The following DYNC2H1 variants were observed in gnomAD, a reference collection of about 807,000 sequenced individuals.
DYNC2H1 encodes dynein cytoplasmic 2 heavy chain 1.
A neutral mutation model predicts 570.0 loss-of-function variants in DYNC2H1; 410 were observed. The ratio of observed to expected loss-of-function variants is 0.72; its 90% confidence interval spans 0.66 to 0.78. DYNC2H1 has a LOEUF of 0.78. Ranked by LOEUF, DYNC2H1 falls within the 30% of genes least tolerant of loss-of-function variation. The probability of loss-of-function intolerance (pLI) is 0.00; values close to 1 mark genes in which losing one functional copy is unlikely to be tolerated. For missense variants in DYNC2H1, 4,865 were observed against 5,046.4 expected (o/e 0.96, Z 1.09); for synonymous variants, 1,688 against 1,677.6 (o/e 1.01, Z -0.15).
In DYNC2H1 at chr11:103,176,367, A is replaced by G. The variant is rs1014815389; in HGVS notation, c.5807A>G (p.Tyr1936Cys). 15 of 1,595,076 alleles carry G rather than the reference A, an allele frequency of 9.4e-6. No homozygotes were observed. Among genetic ancestry groups the G allele is most frequent in the African/African-American group, 1.3e-5 (1 of 74,330 alleles). The part of the protein sequence containing the change: ...FPGIELKEVE[Y>C]DELSAALKQV... ...GGAATTGAATTGAAAGAAGTGGAAT[A>G]TGATGAACTAAGTGCTGCATTAAAG... is the stretch of plus-strand genomic sequence containing the variant. The change falls in exon 37 of 89, where the codon TAT becomes TGT. Residue 1936 changes from tyrosine (Y) to cysteine (C), a missense_variant. By Grantham distance (194) the Tyr-to-Cys change is radical. This residue lies in a region of DYNC2H1 where 292 missense variants were observed against 300.2 expected (regional missense o/e 0.97). Transcript: ENST00000375735.
intron 29 of DYNC2H1, among the ~76,000 whole-genome samples, chr11:103,161,402 A>G (rs1329874420): frequency 6.6e-6 from 1 of 152,128 alleles, no homozygotes; most frequent in Non-Finnish European, 1.5e-5. Flanking sequence ...TGTCTTATCC[A>G]AAGTATTTGG....
At chr11:103,301,274 T>C (rs11225670) in intron 75 of DYNC2H1, among the ~76,000 whole-genome samples, 26,182 of 151,896 alleles carry the variant, frequency 0.17, 2,451 homozygotes, top group Admixed American at 0.26. Flanking sequence ...TATCAACAGC[T>C]ACAATGAAAA....
rs979288258 is a variant in DYNC2H1 at position 103,129,722 on chromosome 11, A to C, written c.1953+717A>C. 6.6e-6 allele frequency among the ~76,000 whole-genome samples: 1 copy of C among 152,028 alleles called. No homozygotes were observed. The highest frequency in any genetic ancestry group is 2.4e-5 in the African/African-American group (1 of 41,412). ...AAAGAAAGAAAAAGAAATTAGGAAAACCCATAATAGCGTTTAAACTGAATG... is the reference window on the plus strand; with the variant it reads ...AAAGAAAGAAAAAGAAATTAGGAAACCCCATAATAGCGTTTAAACTGAATG... On this transcript the variant is annotated intron_variant, in intron 13 of 88. Transcript: ENST00000375735. The surrounding 1 kb of genome is among the most constrained non-coding windows in gnomAD (Gnocchi z 4.1).
chr11:103,306,950 T>C (rs1288775278), intron 77 of DYNC2H1, among the ~76,000 whole-genome samples: 6 of 152,186 alleles, frequency 3.9e-5, no homozygotes, highest in African/African-American at 1.2e-4. Context: ...TGAAGAATAC[T>C]GTGGGAAAAA....
intron 84 of DYNC2H1, among the ~76,000 whole-genome samples, chr11:103,431,913 C>T (rs911662409): frequency 1.3e-5 from 2 of 151,990 alleles, no homozygotes. Context: ...AGAATTGGGC[C>T]CTTTCTGTTG....
At position 103,205,797 on chromosome 11, in the gene DYNC2H1, T is replaced by G. The variant is rs987320451; in HGVS notation, c.8454+833T>G. On this transcript the variant is annotated intron_variant, in intron 52 of 88. Coordinates refer to ENST00000375735, the MANE Select transcript of DYNC2H1 (RefSeq NM_001377.3). This position sits in a 1 kb window ranked among gnomAD's most constrained non-coding sequence, Gnocchi z 4.5. ...GGGTAGAGAGCATGTCTGATGATTTTGAGGATCAGTAAGAGGCAACTTCAC... is the reference window on the plus strand; with the variant it reads ...GGGTAGAGAGCATGTCTGATGATTTGGAGGATCAGTAAGAGGCAACTTCAC... 2.0e-5 allele frequency among the ~76,000 whole-genome samples: 3 copies of G among 152,090 alleles called. No individual in the cohort carries two copies. Among genetic ancestry groups the G allele is most frequent in the Non-Finnish European group, 4.4e-5 (3 of 68,012 alleles).
rs1203295524 is a variant in DYNC2H1 at position 103,479,786 on chromosome 11, G to T, written c.*533G>T. ...ATATACTTATAACTAATATCTTAAGGTAATTCAAATAGGAATAATTCAGGT... is the reference window on the plus strand; with the variant it reads ...ATATACTTATAACTAATATCTTAAGTTAATTCAAATAGGAATAATTCAGGT... On this transcript the variant is annotated 3_prime_UTR_variant, in exon 89 of 89. Transcript: ENST00000375735. 1 of 151,862 alleles carries T rather than the reference G, an allele frequency of 6.6e-6. No homozygotes were observed. Among genetic ancestry groups the T allele is most frequent in the African/African-American group, 2.4e-5 (1 of 41,340 alleles). The allele number at this position is 151,862 out of a possible 1,614,324, so 9.4% of individuals were successfully genotyped here.
chr11:103,259,732 A>G (rs1865195107), intron 69 of DYNC2H1, among the ~76,000 whole-genome samples, 156 bp from the exon 70 acceptor site: 1 of 152,182 alleles, frequency 6.6e-6, no homozygotes, highest in Admixed American at 6.5e-5. Context: ...TTAATATTAT[A>G]TTAGTATACA....
At position 103,305,520 on chromosome 11, in the gene DYNC2H1, T is replaced by G. The variant is rs1012849533; in HGVS notation, c.11382+800T>G. On this transcript the variant is annotated intron_variant, in intron 77 of 88. Transcript: ENST00000375735. This position sits in a 1 kb window ranked among gnomAD's most constrained non-coding sequence, Gnocchi z 4.3. ...GCAGAACATTTTGGAATTTTTGTCCTGGGACTTAGAGGGCCAAAGGAGGTC... is the reference window on the plus strand; with the variant it reads ...GCAGAACATTTTGGAATTTTTGTCCGGGGACTTAGAGGGCCAAAGGAGGTC... Among the ~76,000 whole-genome samples the G allele has an allele frequency of 3.3e-5, 5 of 152,166 alleles. No homozygotes were observed. Among genetic ancestry groups the G allele is most frequent in the African/African-American group, 1.2e-4 (5 of 41,432 alleles).
At chr11:103,455,592 A>T (rs1944761056) in intron 86 of DYNC2H1, among the ~76,000 whole-genome samples, 1 of 152,190 alleles carries the variant, frequency 6.6e-6, no homozygotes, top group African/African-American at 2.4e-5. Context: ...ACATGGACCT[A>T]TGTAAATGAA....
Position 103,363,157 on chromosome 11 carries a change from T to C in DYNC2H1, c.12156+4798T>C, listed in dbSNP as rs895612061. Among the ~76,000 whole-genome samples the C allele has an allele frequency of 2.0e-5, 3 of 152,170 alleles. No homozygotes were observed. The highest frequency in any genetic ancestry group is 2.9e-5 in the Non-Finnish European group (2 of 68,032). On this transcript the variant is annotated intron_variant, in intron 83 of 88. Transcript: ENST00000375735. The surrounding 1 kb of genome is among the most constrained non-coding windows in gnomAD (Gnocchi z 5.6). ...TTTGCACGAGATGCCTTAGTAATACTACAGTTCCAAGAAACTTTTCCAACC... is the reference window on the plus strand; with the variant it reads ...TTTGCACGAGATGCCTTAGTAATACCACAGTTCCAAGAAACTTTTCCAACC...
rs114305658 is a variant in DYNC2H1 at position 103,113,729 on chromosome 11, T to G, written c.366+22T>G. 6.8e-4 allele frequency: 1,009 copies of G among 1,485,206 alleles called. 7 individuals carry two copies. In the African/African-American group the frequency reaches 0.013, roughly 19 times the overall value. The allele number at this position is 1,485,206 out of a possible 1,614,324, so 92.0% of individuals were successfully genotyped here. A position where few individuals can be genotyped will look rare whatever the true frequency, so the allele number is the denominator to read the frequency against. On this transcript the variant is annotated intron_variant, in intron 2 of 88. Coordinates refer to ENST00000375735, the MANE Select transcript of DYNC2H1 (RefSeq NM_001377.3). The stretch of plus-strand genomic sequence containing the variant: ...AAAGGTGAGAAAAGAAGCTGTCATT[T>G]TTTTTAACTGAGGTATTTGGATAAA...
chr11:103,377,245 C>T (rs576708953), intron 83 of DYNC2H1, among the ~76,000 whole-genome samples: 22 of 152,238 alleles, frequency 1.4e-4, no homozygotes, highest in Admixed American at 3.9e-4. Flanking sequence ...TCATGTAGTG[C>T]AAATATTTTT....
chr11:103,215,316 A>G (rs1383050315), intron 54 of DYNC2H1, among the ~76,000 whole-genome samples: 1 of 152,122 alleles, frequency 6.6e-6, no homozygotes, highest in Non-Finnish European at 1.5e-5. Flanking sequence ...ATGTTGAGGT[A>G]TGTTCCTCCA....
At chr11:103,436,420 T>C (rs749168486) in intron 85 of DYNC2H1, among the ~76,000 whole-genome samples, 7 of 151,934 alleles carry the variant, frequency 4.6e-5, no homozygotes, top group Non-Finnish European at 7.4e-5. Context: ...AATAAACCAG[T>C]CAGGTAACTT....
intron 88 of DYNC2H1, among the ~76,000 whole-genome samples, chr11:103,469,789 A>C (rs1945314919): frequency 6.6e-6 from 1 of 152,192 alleles, no homozygotes; most frequent in South Asian, 2.1e-4. Context: ...AATTCCTATA[A>C]GAATTTTCTA....
chr11:103,207,406 C>T (rs746815696), intron 52 of DYNC2H1, among the ~76,000 whole-genome samples: 7 of 151,750 alleles, frequency 4.6e-5, no homozygotes, highest in South Asian at 2.1e-4. Context: ...AATTAAGGAT[C>T]GGCATTTCCT....
chr11:103,323,473 T>A (rs1003428833), intron 81 of DYNC2H1, among the ~76,000 whole-genome samples: 2 of 49,494 alleles, frequency 4.0e-5, no homozygotes, highest in Non-Finnish European at 1.2e-4. Flanking sequence ...AATATATAAA[T>A]ATATATATAT....
In DYNC2H1 at chr11:103,241,453, A is replaced by T; in HGVS notation, c.9820-2240A>T. 7.2e-7 allele frequency: 1 copy of T among 1,394,466 alleles called. No individual in the cohort carries two copies. The highest frequency in any genetic ancestry group is 1.0e-6 in the Non-Finnish European group (1 of 1,003,708). The allele number at this position is 1,394,466 out of a possible 1,614,324, so 86.4% of individuals were successfully genotyped here. A position where few individuals can be genotyped will look rare whatever the true frequency, so the allele number is the denominator to read the frequency against. On this transcript the variant is annotated intron_variant, in intron 63 of 88. Transcript: ENST00000375735. This position sits in a 1 kb window ranked among gnomAD's most constrained non-coding sequence, Gnocchi z 5.1. ...CAACAAACTTTTAAGTACCCTTTGA[A>T]AAACTTAAGCATGTTTTCTTTGCTA... is the stretch of plus-strand genomic sequence containing the variant.
Sources: allele counts gnomAD v4.1 joint callset (sites outside exome capture counted in the v4.1 genomes callset), GRCh38; gene constraint gnomAD v4.1.1; regional missense constraint gnomAD v4.1.1; non-coding constraint Gnocchi (gnomAD v3.1); transcripts MANE v1.5; gene names NCBI Gene and HGNC (gene_info 2026-07-23, HGNC 2026-07-21).